The following PSMA7 variants were observed in gnomAD, a reference collection of about 807,000 sequenced individuals.
PSMA7 encodes the protein proteasome subunit alpha type-7.
Under a neutral mutation model 31.3 loss-of-function variants are expected in PSMA7, and 5 were observed. The ratio of observed to expected loss-of-function variants is 0.16; its 90% CI spans 0.08 to 0.34. The LOEUF (loss-of-function observed/expected upper bound fraction) is 0.34, where lower values mean the gene tolerates loss of function less well. Ranked by LOEUF, PSMA7 falls within the 10% of genes least tolerant of loss-of-function variation. The probability of loss-of-function intolerance (pLI) is 1.00; values close to 1 mark genes in which losing one functional copy is unlikely to be tolerated. For missense variants in PSMA7, 217 were observed against 327.5 expected, an observed-to-expected ratio of 0.66 and a Z score of 2.60; for synonymous variants, 155 against 121.9, an observed-to-expected ratio of 1.27 and a Z score of -1.79.
At position 62,143,180 on chromosome 20, in the gene PSMA7, CGGCCCCGCGCA is replaced by C. The variant is rs754410095; in HGVS notation, c.96+17_96+27del. Reference sequence around the variant, plus strand: ...CCAGCCCCACTTCCGCCCGCGTCCCCGGCCCCGCGCAGGCCCCGCCGCCTCACCGCGGTCGA... The same window carrying C: ...CCAGCCCCACTTCCGCCCGCGTCCCCGGCCCCGCCGCCTCACCGCGGTCGA... On this transcript the variant is annotated intron_variant, in intron 1 of 6. Transcript: ENST00000370873. 5 of 1,341,094 alleles carry C rather than the reference CGGCCCCGCGCA, an allele frequency of 3.7e-6. No homozygotes were observed. The highest frequency in any genetic ancestry group is 4.8e-6 in the Non-Finnish European group (5 of 1,031,908). 83.1% of individuals were successfully genotyped at this position (1,341,094 alleles called of 1,614,324 possible).
rs2056913051 is a variant in PSMA7 at position 62,139,259 on chromosome 20, C to T, written c.349-62G>A. 11 of 1,575,414 alleles carry T rather than the reference C, an allele frequency of 7.0e-6. No homozygotes were observed. The Admixed American group carries it at 7.2e-5, about 10-fold the overall frequency. On this transcript the variant is annotated intron_variant, in intron 3 of 6. Coordinates refer to ENST00000370873, the MANE Select transcript of PSMA7 (RefSeq NM_002792.4). Reference sequence around the variant, plus strand: ...AAGAAACTGCATGTGAGGAAAGAACCGTACTTAGTGAAGATACGAACATTT... The same window carrying T: ...AAGAAACTGCATGTGAGGAAAGAACTGTACTTAGTGAAGATACGAACATTT...
At chr20:62,137,788 A>C (rs1884496110) in intron 5 of PSMA7, among the ~76,000 whole-genome samples, 1 of 152,170 alleles carries the variant, frequency 6.6e-6, no homozygotes, top group Non-Finnish European at 1.5e-5. Flanking sequence ...GGTCTTGACA[A>C]AGCCCAACCA....
intron 1 of PSMA7, among the ~76,000 whole-genome samples, chr20:62,142,178 A>C (rs1327654916): frequency 6.6e-6 from 1 of 152,190 alleles, no homozygotes; most frequent in Non-Finnish European, 1.5e-5. Flanking sequence ...TTTCTCAGGT[A>C]CTGACTCACT....
At chr20:62,139,420 G>A in intron 3 of PSMA7, 1 of 665,844 alleles carries the variant, frequency 1.5e-6, no homozygotes, top group Non-Finnish European at 2.5e-6. Context: ...TCAGGTTACT[G>A]GAAATTACTT....
intron 1 of PSMA7, among the ~76,000 whole-genome samples, chr20:62,141,453 G>A (rs974256024): frequency 4.6e-5 from 7 of 152,212 alleles, no homozygotes; most frequent in African/African-American, 1.7e-4. Context: ...AAACCCAGGG[G>A]TATTCATCTA....
At position 62,139,874 on chromosome 20, in the gene PSMA7, G is replaced by A; in HGVS notation, c.255C>T (p.Asn85=). 1 of 1,614,018 alleles carries A rather than the reference G, an allele frequency of 6.2e-7. No homozygotes were observed. Among genetic ancestry groups the A allele is most frequent in the Non-Finnish European group, 8.5e-7 (1 of 1,180,030 alleles). Residue 85 remains asparagine, a synonymous_variant, in exon 3 of 7, where the codon AAC becomes AAT. Coordinates refer to ENST00000370873, the MANE Select transcript of PSMA7 (RefSeq NM_002792.4). Reference sequence around the variant, plus strand: ...GGCTCTGGCACTCCACCCGGGCCCTGTTGATGACTATCCTTGCATCGGCGG... The same window carrying A: ...GGCTCTGGCACTCCACCCGGGCCCTATTGATGACTATCCTTGCATCGGCGG... ...GLTADARIVI[N]RARVECQSHR...
chr20:62,140,720 T>C (rs1163013729), intron 2 of PSMA7, 98 bp downstream of exon 2: 2 of 1,421,956 alleles, frequency 1.4e-6, no homozygotes, highest in African/African-American at 1.4e-5. Flanking sequence ...ACTCAGTTTA[T>C]ATGGCTCACA....
rs2056911339 is a variant in PSMA7 at position 62,138,978 on chromosome 20, C to T, written c.471+97G>A. 11 of 1,459,764 alleles carry T rather than the reference C, an allele frequency of 7.5e-6. No homozygotes were observed. The South Asian group carries it at 9.0e-5, about 12-fold the overall frequency. 90.4% of individuals were successfully genotyped at this position (1,459,764 alleles called of 1,614,324 possible). ...CTAGGTTAACTTAAACTGACTCATTCACTGATACAGGGCCTACAGCAGGAA... is the reference window on the plus strand; with the variant it reads ...CTAGGTTAACTTAAACTGACTCATTTACTGATACAGGGCCTACAGCAGGAA... On this transcript the variant is annotated intron_variant, in intron 4 of 6. Transcript: ENST00000370873.
Position 62,143,393 on chromosome 20 carries a change from A to G in PSMA7, c.-90T>C. On this transcript the variant is annotated 5_prime_UTR_variant, in exon 1 of 7. Transcript: ENST00000370873. ...CGCACCCGCGACTCCCGGCGCCACT[A>G]CGCCCGCGCCCCACCCTCGGCGCCG... The G allele has an allele frequency of 1.6e-6, 1 of 636,610 alleles. No homozygotes were observed. Among genetic ancestry groups the G allele is most frequent in the East Asian group, 5.2e-5 (1 of 19,134 alleles). The allele number at this position is 636,610 out of a possible 1,614,324, so 39.4% of individuals were successfully genotyped here. A position where few individuals can be genotyped will look rare whatever the true frequency, so the allele number is the denominator to read the frequency against.
chr20:62,136,881 CTTTTCG>C lies in PSMA7; in HGVS notation c.717_722del (p.Asn239_Glu240del). ...ATCATGATGCTTTCTTTTGTTTCTT[CTTTTCG>C]TTTTCTTCTTTTTCTTTTTCAATTT... On this transcript the variant is annotated inframe_deletion, in exon 7 of 7. Transcript: ENST00000370873. The C allele has an allele frequency of 1.3e-6, 2 of 1,599,080 alleles. No individual in the cohort carries two copies. Among genetic ancestry groups the C allele is most frequent in the East Asian group, 2.2e-5 (1 of 44,762 alleles).
At chr20:62,137,625 C>T (rs59034911) in intron 5 of PSMA7, among the ~76,000 whole-genome samples, 199 bp from the exon 6 acceptor site, 117 of 152,290 alleles carry the variant, frequency 7.7e-4, no homozygotes, top group African/African-American at 2.6e-3. Flanking sequence ...CACACCCCTC[C>T]GCCTCCCAGC....
chr20:62,139,619 G>T, intron 3 of PSMA7, 162 bp downstream of exon 3: 1 of 1,121,738 alleles, frequency 8.9e-7, no homozygotes, highest in Non-Finnish European at 1.3e-6. Flanking sequence ...TACTGAAATT[G>T]GTGAGCTAGG....
chr20:62,140,519 G>T (rs1568726606), intron 2 of PSMA7, among the ~76,000 whole-genome samples: 2 of 152,220 alleles, frequency 1.3e-5, no homozygotes, highest in Admixed American at 6.5e-5. Flanking sequence ...GTTAGCTCTA[G>T]AAAGTCCAGC....
Position 62,140,802 on chromosome 20 carries a change from C to T in PSMA7, c.223+16G>A. Reference sequence around the variant, plus strand: ...AGACTCTAGAGAGTAAGACAGCGCTCCCCACCGACTCATACCTGCAAAGGC... The same window carrying T: ...AGACTCTAGAGAGTAAGACAGCGCTTCCCACCGACTCATACCTGCAAAGGC... On this transcript the variant is annotated intron_variant, in intron 2 of 6. Transcript: ENST00000370873. The T allele has an allele frequency of 6.2e-7, 1 of 1,613,778 alleles. No homozygotes were observed. The highest frequency in any genetic ancestry group is 8.5e-7 in the Non-Finnish European group (1 of 1,179,742).
In PSMA7 at chr20:62,143,358, A is replaced by C; in HGVS notation, c.-55T>G. On this transcript the variant is annotated 5_prime_UTR_variant, in exon 1 of 7. Transcript: ENST00000370873. The stretch of plus-strand genomic sequence containing the variant: ...CCGCGACTCTCAAAAGCGCACACTC[A>C]CGGCCCGCGCGCACCCGCGACTCCC... 8.4e-6 allele frequency: 9 copies of C among 1,072,844 alleles called. No individual in the cohort carries two copies. Among genetic ancestry groups the C allele is most frequent in the Non-Finnish European group, 1.1e-5 (9 of 836,854 alleles). The allele number at this position is 1,072,844 out of a possible 1,614,324, so 66.5% of individuals were successfully genotyped here.
At position 62,136,807 on chromosome 20, in the gene PSMA7, A is replaced by G. The variant is rs758230342; in HGVS notation, c.*50T>C. On this transcript the variant is annotated 3_prime_UTR_variant, in exon 7 of 7. Transcript: ENST00000370873. Reference sequence around the variant, plus strand: ...TGGAAAGGCCTACACATCGAGACTCATCCATGATTGATATGAATTTAAAAA... The same window carrying G: ...TGGAAAGGCCTACACATCGAGACTCGTCCATGATTGATATGAATTTAAAAA... 21 of 1,570,590 alleles carry G rather than the reference A, an allele frequency of 1.3e-5. No homozygotes were observed. The highest frequency in any genetic ancestry group is 1.8e-5 in the Non-Finnish European group (21 of 1,162,552).
rs55766494 is a variant in PSMA7, at chr20:62,140,306, T to G, written c.224-401A>C. On this transcript the variant is annotated intron_variant, in intron 2 of 6. Coordinates refer to ENST00000370873, the MANE Select transcript of PSMA7 (RefSeq NM_002792.4). ...CTTAAATACAGTACCTGAGTCCTCT[T>G]GGGAATCTTAGAAATTGAGTTAATC... 5.9e-5 allele frequency among the ~76,000 whole-genome samples: 9 copies of G among 152,330 alleles called. 1 individual carries two copies. The South Asian group carries it at 1.0e-3, about 18-fold the overall frequency.
intron 2 of PSMA7, 47 bp from the exon 3 acceptor site, chr20:62,139,952 A>G: frequency 6.3e-7 from 1 of 1,599,476 alleles, no homozygotes; most frequent in Non-Finnish European, 8.5e-7. Context: ...AGCACAAACT[A>G]CAGGGTGGGG....
chr20:62,139,043 G>C (rs2056911655), intron 4 of PSMA7, 32 bp downstream of exon 4: 1 of 1,607,764 alleles, frequency 6.2e-7, no homozygotes, highest in African/African-American at 1.3e-5. Flanking sequence ...TTTCTGGCAA[G>C]ACTGTCCAAA....
Sources: gnomAD v4.1 joint callset for allele counts (sites outside exome capture counted in the v4.1 genomes callset) on GRCh38, gnomAD v4.1.1 for gene constraint, MANE v1.5 for transcripts, NCBI Gene and HGNC (gene_info 2026-07-23, HGNC 2026-07-21) for gene names.